The following DLG2 variants were observed in gnomAD, a reference collection of about 807,000 sequenced individuals.
The protein encoded by DLG2 is disks large homolog 2.
In DLG2, 45 loss-of-function variants were observed where a neutral mutation model predicts 132.5. The ratio of observed to expected loss-of-function variants is 0.34; its 90% CI spans 0.27 to 0.44. The LOEUF (loss-of-function observed/expected upper bound fraction) is 0.44. Among genes scored for constraint, DLG2 ranks in the 20% least tolerant of loss-of-function variants. The pLI is 1.00. For missense variants in DLG2, 1,045 were observed against 1,196.9 expected, an observed-to-expected ratio of 0.87 and a Z score of 1.87; for synonymous variants, 424 against 419.6, an observed-to-expected ratio of 1.01 and a Z score of -0.13.
intron 17 of DLG2, among the ~76,000 whole-genome samples, chr11:83,800,733 G>A (rs1191016196): frequency 6.6e-6 from 1 of 152,126 alleles, no homozygotes; most frequent in Non-Finnish European, 1.5e-5. Context: ...GATTATTTTG[G>A]AATCTTTAAA....
chr11:83,605,205 A>G (rs907691618), intron 19 of DLG2, among the ~76,000 whole-genome samples: 5 of 152,122 alleles, frequency 3.3e-5, no homozygotes, highest in African/African-American at 9.7e-5. Context: ...TATAAAGCCA[A>G]TCTCCTCTCC....
At chr11:84,142,258 T>C (rs770924533) in intron 9 of DLG2, among the ~76,000 whole-genome samples, 6 of 147,474 alleles carry the variant, frequency 4.1e-5, no homozygotes, top group African/African-American at 7.6e-5. Context: ...GAGGCGGAGG[T>C]TGCAGTGAGC....
chr11:85,467,898 CT>C (rs2092847881), intron 3 of DLG2, among the ~76,000 whole-genome samples: 1 of 152,188 alleles, frequency 6.6e-6, no homozygotes, highest in Non-Finnish European at 1.5e-5. Context: ...CCAGCAACTC[CT>C]TGTACCTCTG....
chr11:84,689,160 A>G (rs2057720340), intron 6 of DLG2, among the ~76,000 whole-genome samples: 1 of 152,184 alleles, frequency 6.6e-6, no homozygotes, highest in African/African-American at 2.4e-5. Flanking sequence ...ATACAGTTTT[A>G]TCTCAAGAAA....
chr11:84,062,272 T>A (rs1195994655), intron 10 of DLG2, among the ~76,000 whole-genome samples: 4 of 152,164 alleles, frequency 2.6e-5, no homozygotes, highest in African/African-American at 9.7e-5. Flanking sequence ...TCATCATCTG[T>A]GGGACCACGG....
At chr11:83,759,257 T>C (rs896521202) in intron 18 of DLG2, among the ~76,000 whole-genome samples, 2 of 152,136 alleles carry the variant, frequency 1.3e-5, no homozygotes, top group Non-Finnish European at 2.9e-5. Context: ...AAGGGCAGGT[T>C]GTATGAGTTG....
chr11:85,199,283 A>G (rs1014192098), intron 4 of DLG2, among the ~76,000 whole-genome samples: 1 of 152,232 alleles, frequency 6.6e-6, no homozygotes, highest in Admixed American at 6.5e-5. Flanking sequence ...ATTGAGCAAG[A>G]TAAGACTGAC....
chr11:84,164,790 A>T (rs952198865), intron 8 of DLG2, among the ~76,000 whole-genome samples: 20 of 152,206 alleles, frequency 1.3e-4, no homozygotes, highest in Non-Finnish European at 2.6e-4. Flanking sequence ...TCCACCACCC[A>T]CTCACAGCAT....
At chr11:84,377,593 CAT>C (rs1364565566) in intron 7 of DLG2, among the ~76,000 whole-genome samples, 2 of 151,566 alleles carry the variant, frequency 1.3e-5, no homozygotes, top group South Asian at 2.1e-4. Context: ...AAAATAAAAA[CAT>C]AAAAAGAAAG....
In DLG2 at chr11:84,099,330, T is replaced by C. The variant is rs76653083; in HGVS notation, c.625-283A>G. On this transcript the variant is annotated intron_variant, in intron 9 of 27. Coordinates refer to ENST00000376104, the MANE Select transcript of DLG2 (RefSeq NM_001142699.3). ...ATTTATGAAGCAGGAAATAAAAACT[T>C]ACAAATTGTGTAATATGAAAAAATA... 2.5e-3 allele frequency among the ~76,000 whole-genome samples: 385 copies of C among 152,220 alleles called. 3 individuals carry two copies. The highest frequency in any genetic ancestry group is 8.6e-3 in the African/African-American group (359 of 41,538).
chr11:84,386,664 G>T (rs2098771602), intron 7 of DLG2, among the ~76,000 whole-genome samples: 1 of 152,098 alleles, frequency 6.6e-6, no homozygotes, highest in African/African-American at 2.4e-5. Flanking sequence ...GTTAGTGCCA[G>T]GTCAGGTAAT....
intron 6 of DLG2, among the ~76,000 whole-genome samples, chr11:84,602,880 A>G (rs2099579089): frequency 6.6e-6 from 1 of 152,026 alleles, no homozygotes; most frequent in Admixed American, 6.6e-5. Flanking sequence ...ATTAAATGAA[A>G]AAAAGAAAAA....
intron 3 of DLG2, among the ~76,000 whole-genome samples, chr11:85,477,077 T>C (rs1479040144): frequency 6.6e-6 from 1 of 152,100 alleles, no homozygotes; most frequent in African/African-American, 2.4e-5. Context: ...AATGCACTAG[T>C]TGATAGGAAG....
At chr11:84,886,583 C>T (rs541553409) in intron 6 of DLG2, among the ~76,000 whole-genome samples, 41 of 152,182 alleles carry the variant, frequency 2.7e-4, no homozygotes, top group East Asian at 1.2e-3. Context: ...TTTGTATATT[C>T]GTTGTGTATA....
chr11:84,766,993 C>T (rs1414143471), intron 6 of DLG2, among the ~76,000 whole-genome samples: 5 of 152,088 alleles, frequency 3.3e-5, no homozygotes, highest in South Asian at 2.1e-4. Context: ...TTTACACACC[C>T]GGATTTGAAT....
At chr11:84,251,976 T>G (rs1435496245) in intron 7 of DLG2, among the ~76,000 whole-genome samples, 3 of 151,986 alleles carry the variant, frequency 2.0e-5, no homozygotes, top group Non-Finnish European at 4.4e-5. Flanking sequence ...CTAAAGGAAT[T>G]TGATTTCTCT....
At chr11:85,608,058 C>T (rs371456941) in intron 2 of DLG2, among the ~76,000 whole-genome samples, 10 of 152,058 alleles carry the variant, frequency 6.6e-5, no homozygotes, top group East Asian at 1.9e-4. Flanking sequence ...CCACTAAATC[C>T]GACCTTCCTT....
intron 7 of DLG2, among the ~76,000 whole-genome samples, chr11:84,424,557 C>G (rs528477516): frequency 3.3e-5 from 5 of 152,020 alleles, no homozygotes; most frequent in Non-Finnish European, 7.4e-5. Context: ...AGGAAGCACA[C>G]GAGGTTTAAG....
chr11:84,765,179 C>T (rs576220700), intron 6 of DLG2, among the ~76,000 whole-genome samples: 3 of 152,026 alleles, frequency 2.0e-5, no homozygotes, highest in African/African-American at 7.2e-5. Flanking sequence ...GTTTTTGGAT[C>T]CTCCATAATG....
Sources: allele counts gnomAD v4.1 joint callset (sites outside exome capture counted in the v4.1 genomes callset), GRCh38; gene constraint gnomAD v4.1.1; transcripts MANE v1.5; gene names NCBI Gene and HGNC (gene_info 2026-07-23, HGNC 2026-07-21).